Variants in NUP160 observed in about 807,000 individuals in gnomAD.
NUP160 encodes nucleoporin 160.
NUP160 carries 94 observed loss-of-function variants against 196.9 expected under a neutral mutation model. The observed-to-expected ratio is 0.48, with a 90% CI of 0.40 to 0.57. NUP160 has a LOEUF of 0.57. NUP160 is among the 20% of genes least tolerant of loss of function. The pLI is 0.00. For synonymous variants in NUP160, 605 were observed against 619.7 expected (o/e 0.98, Z 0.35); for missense variants, 1,638 against 1,748.3 (o/e 0.94, Z 1.13).
At chr11:47,829,017 C>T (rs887882338) in intron 7 of NUP160, among the ~76,000 whole-genome samples, 8 of 152,116 alleles carry the variant, frequency 5.3e-5, no homozygotes, top group Non-Finnish European at 8.8e-5. Context: ...AAGAGTAAAT[C>T]GTTATGACCT....
exon 3 of NUP160, chr11:47,840,379 C>T: frequency 2.5e-6 from 4 of 1,612,834 alleles, no homozygotes; most frequent in African/African-American, 1.3e-5. Context: ...CCAACTTACA[C>T]TCCTATACAT....
chr11:47,798,445 C>T, exon 24 of NUP160: 3 of 1,596,884 alleles, frequency 1.9e-6, no homozygotes, highest in Non-Finnish European at 2.6e-6. Context: ...AAACCAATGA[C>T]ATCTAGTAGT....
chr11:47,833,804 C>G (rs1852119621), intron 7 of NUP160, among the ~76,000 whole-genome samples: 1 of 123,258 alleles, frequency 8.1e-6, no homozygotes, highest in Non-Finnish European at 2.0e-5. Context: ...CTCTAGCAAG[C>G]TTTCCTGGGA....
In NUP160 at chr11:47,782,693, C is replaced by G. The variant is rs566326787; in HGVS notation, c.4116+380G>C. The stretch of plus-strand genomic sequence containing the variant: ...TTTATTTTTGAGATGGAGTCTCGCT[C>G]TGTTGCCCAGGCTGGAGTGCAGTGG... On this transcript the variant is annotated intron_variant, in intron 34 of 35. Coordinates refer to ENST00000378460, the Ensembl canonical transcript of NUP160. Among the ~76,000 whole-genome samples, 149 of 152,126 alleles carry G rather than the reference C, an allele frequency of 9.8e-4. 1 individual carries two copies. The highest frequency in any genetic ancestry group is 3.4e-3 in the African/African-American group (140 of 41,502).
chr11:47,786,234 G>A (rs1599304350), intron 32 of NUP160, among the ~76,000 whole-genome samples: 1 of 152,164 alleles, frequency 6.6e-6, no homozygotes, highest in East Asian at 1.9e-4. Context: ...TTTGAGGAGG[G>A]GGATATGGAG....
At chr11:47,828,931 A>C (rs936393660) in intron 7 of NUP160, among the ~76,000 whole-genome samples, 12 of 152,086 alleles carry the variant, frequency 7.9e-5, no homozygotes, top group Non-Finnish European at 1.2e-4. Context: ...TTAAAAAAAA[A>C]CCCCACAAAA....
chr11:47,788,203 A>G (rs1055606990), exon 31 of NUP160: 1 of 1,613,714 alleles, frequency 6.2e-7, no homozygotes, highest in Non-Finnish European at 8.5e-7. Context: ...CCCTTCAAAG[A>G]CTGGCGTTAA....
chr11:47,796,758 C>T (rs58883118), intron 27 of NUP160, among the ~76,000 whole-genome samples: 2,990 of 152,284 alleles, frequency 0.02, 36 homozygotes, highest in African/African-American at 0.029. Context: ...GCTCTGTCAC[C>T]TAGGCTGGAG....
At chr11:47,798,312 A>G (rs780890538) in intron 24 of NUP160, 50 bp from the exon 25 acceptor site, 13 of 1,537,142 alleles carry the variant, frequency 8.5e-6, no homozygotes, top group Non-Finnish European at 1.2e-5. Context: ...AGAAATGAAC[A>G]TACCACACCC....
intron 9 of NUP160, 72 bp from the exon 10 acceptor site, chr11:47,819,530 T>A: frequency 9.3e-7 from 1 of 1,076,680 alleles, no homozygotes; most frequent in Non-Finnish European, 1.4e-6. Flanking sequence ...GTTGGCAGTA[T>A]CTGGGCAGGG....
chr11:47,792,782 A>C lies in NUP160; in HGVS notation c.3450+4T>G. 6.3e-7 allele frequency: 1 copy of C among 1,594,538 alleles called. No individual in the cohort carries two copies. The highest frequency in any genetic ancestry group is 8.5e-7 in the Non-Finnish European group (1 of 1,171,276). On this transcript the variant is annotated splice_donor_region_variant and intron_variant, in intron 28 of 35. Transcript: ENST00000378460. ...CCAAATTCCAGGATGAAATGTTTTC[A>C]TACCACTGCACCAGACACTGGCTGC... is the stretch of plus-strand genomic sequence containing the variant.
At chr11:47,834,165 T>C (rs956511324) in intron 7 of NUP160, among the ~76,000 whole-genome samples, 7 of 152,162 alleles carry the variant, frequency 4.6e-5, no homozygotes, top group African/African-American at 1.4e-4. Context: ...GTATAACCCA[T>C]ATAAACAAAA....
chr11:47,829,467 G>A lies in NUP160; in HGVS notation c.1101+6184C>T, dbSNP rs1032577282. Among the ~76,000 whole-genome samples the A allele has an allele frequency of 2.6e-5, 4 of 151,978 alleles. No individual in the cohort carries two copies. In the East Asian group the frequency reaches 7.7e-4, roughly 29 times the overall value. On this transcript the variant is annotated intron_variant, in intron 7 of 35. Transcript: ENST00000378460. Reference sequence around the variant, plus strand: ...ATTACAGGCACGTGCCACCATGCCCGGCTAATTTTTTGTATTTTTATTAGA... The same window carrying A: ...ATTACAGGCACGTGCCACCATGCCCAGCTAATTTTTTGTATTTTTATTAGA...
rs1196738540 is a variant in NUP160, at chr11:47,848,205, G to A, written c.202+14C>T. ...GGACAGATGGGATCGCACCCTCCCT[G>A]GCCATTTCCGTACCAATGCTGCAGA... On this transcript the variant is annotated intron_variant, in intron 1 of 35. Transcript: ENST00000378460. The A allele has an allele frequency of 8.7e-6, 14 of 1,613,812 alleles. No individual in the cohort carries two copies. Among genetic ancestry groups the A allele is most frequent in the Admixed American group, 1.7e-5 (1 of 59,994 alleles).
At chr11:47,802,059 T>C (rs1312168411) in intron 22 of NUP160, 129 bp from the exon 23 acceptor site, 2 of 773,972 alleles carry the variant, frequency 2.6e-6, no homozygotes, top group Non-Finnish European at 4.1e-6. Flanking sequence ...ACTCTATGTA[T>C]AGTTTCTGAC....
At chr11:47,780,517 A>T in intron 34 of NUP160, 70 bp from the exon 35 acceptor site, 2 of 916,946 alleles carry the variant, frequency 2.2e-6, no homozygotes, top group Non-Finnish European at 3.4e-6. Flanking sequence ...TTGCTTTCAT[A>T]GGACTCTGTA....
chr11:47,847,731 C>G, intron 2 of NUP160, 117 bp downstream of exon 2: 2 of 683,644 alleles, frequency 2.9e-6, no homozygotes, highest in Non-Finnish European at 5.3e-6. Context: ...AAAAAACAAT[C>G]TTTCTCTTTC....
intron 35 of NUP160, 109 bp downstream of exon 35, chr11:47,780,234 T>C (rs1332108935): frequency 1.4e-5 from 11 of 767,572 alleles, no homozygotes; most frequent in South Asian, 3.1e-5. Context: ...GGGCCAAAAA[T>C]AGGCTTTTGT....
intron 28 of NUP160, chr11:47,792,257 G>A (rs1173894609): frequency 5.3e-6 from 2 of 376,656 alleles, no homozygotes; most frequent in African/African-American, 4.2e-5. Flanking sequence ...CTCGGCTCCA[G>A]AGTTATATAT....
Sources: allele counts gnomAD v4.1 joint callset (sites outside exome capture counted in the v4.1 genomes callset), GRCh38; gene constraint gnomAD v4.1.1; transcripts MANE v1.5; gene names NCBI Gene and HGNC (gene_info 2026-07-23, HGNC 2026-07-21).